COL23A1: variants seen among roughly 807,000 people sequenced by gnomAD.
COL23A1 encodes the protein collagen alpha-1(XXIII) chain.
A neutral mutation model predicts 99.3 loss-of-function variants in COL23A1; 97 were observed. The ratio of observed to expected loss-of-function variants is 0.98; its 90% CI spans 0.83 to 1.16. The LOEUF is 1.16. COL23A1 is among the 50% of genes most tolerant of loss of function. COL23A1 has a pLI of 0.00. For missense variants in COL23A1, 762 were observed against 757.4 expected (o/e 1.01, Z -0.07); for synonymous variants, 320 against 308.2 (o/e 1.04, Z -0.40).
rs538750142 is a variant in COL23A1, at chr5:178,270,478, C to T, written c.442-115G>A. ...GAAAACAAAGCCTGTGGGAGCCCCG[C>T]GTCTGGGTTCAGTCCATGTGGCCTG... On this transcript the variant is annotated intron_variant, in intron 5 of 28. Coordinates refer to ENST00000390654, the MANE Select transcript of COL23A1 (RefSeq NM_173465.4). The T allele has an allele frequency of 7.3e-4, 931 of 1,276,676 alleles. 7 individuals carry two copies. Among genetic ancestry groups the T allele is most frequent in the Admixed American group, 8.6e-4 (44 of 51,104 alleles). 79.1% of individuals were successfully genotyped at this position (1,276,676 alleles called of 1,614,324 possible). A position where few individuals can be genotyped will look rare whatever the true frequency, so the allele number is the denominator to read the frequency against.
chr5:178,256,320 C>T, intron 15 of COL23A1, 33 bp downstream of exon 15: 2 of 1,562,480 alleles, frequency 1.3e-6, no homozygotes, highest in African/African-American at 1.4e-5. Flanking sequence ...TAGATCTCAT[C>T]CCTGAGGCCT....
chr5:178,416,089 CCATT>C (rs150013493), intron 2 of COL23A1, among the ~76,000 whole-genome samples: 1 of 152,194 alleles, frequency 6.6e-6, no homozygotes, highest in East Asian at 1.9e-4. Flanking sequence ...CTAAACCCTC[CCATT>C]CATTCATTCA....
intron 2 of COL23A1, among the ~76,000 whole-genome samples, chr5:178,314,067 G>A (rs1023256413): frequency 1.3e-5 from 2 of 152,018 alleles, no homozygotes; most frequent in African/African-American, 4.8e-5. Context: ...TGTCTCTAAG[G>A]TGGGCCTGGG....
At position 178,369,346 on chromosome 5, in the gene COL23A1, G is replaced by A. The variant is rs755785796; in HGVS notation, c.362-62427C>T. Reference sequence around the variant, plus strand: ...CAGCTCCCAGGAAACTTCACACCTCGAGAGGATGTGACCTGGGTTAAGGTG... The same window carrying A: ...CAGCTCCCAGGAAACTTCACACCTCAAGAGGATGTGACCTGGGTTAAGGTG... On this transcript the variant is annotated intron_variant, in intron 2 of 28. Transcript: ENST00000390654. Among the ~76,000 whole-genome samples the A allele has an allele frequency of 8.5e-5, 13 of 152,294 alleles. No individual in the cohort carries two copies. In the South Asian group the frequency reaches 1.2e-3, roughly 15 times the overall value.
At chr5:178,523,621 G>T (rs1186881587) in intron 2 of COL23A1, 3 of 152,030 alleles carry the variant, frequency 2.0e-5, no homozygotes, top group Non-Finnish European at 4.4e-5. Context: ...CTCGAGGATG[G>T]TGCTTTCCTG....
At chr5:178,455,026 C>G (rs1183101284) in intron 2 of COL23A1, among the ~76,000 whole-genome samples, 1 of 152,252 alleles carries the variant, frequency 6.6e-6, no homozygotes, top group African/African-American at 2.4e-5. Context: ...CTGCTTCTCC[C>G]CATGCACGTG....
intron 2 of COL23A1, among the ~76,000 whole-genome samples, chr5:178,388,886 C>G (rs1438465093): frequency 6.6e-6 from 1 of 152,216 alleles, no homozygotes; most frequent in Non-Finnish European, 1.5e-5. Context: ...GCTAACATCC[C>G]TTGCAGCTCT....
intron 14 of COL23A1, 104 bp from the exon 15 acceptor site, chr5:178,256,501 G>A (rs1186474863): frequency 2.3e-5 from 26 of 1,121,584 alleles, no homozygotes; most frequent in South Asian, 1.8e-4. Flanking sequence ...CCCAGGGCCC[G>A]AGTGCTGGAA....
intron 2 of COL23A1, among the ~76,000 whole-genome samples, chr5:178,355,238 A>G (rs1184228414): frequency 6.6e-6 from 1 of 151,698 alleles, no homozygotes; most frequent in East Asian, 1.9e-4. Flanking sequence ...CTAGGATCAC[A>G]CCACTGCTCT....
intron 2 of COL23A1, among the ~76,000 whole-genome samples, chr5:178,518,658 G>C (rs1185208489): frequency 2.5e-3 from 296 of 117,296 alleles, no homozygotes; most frequent in African/African-American, 9.1e-3. Context: ...TTCCTAGATG[G>C]GATGGCGGCC....
At position 178,275,361 on chromosome 5, in the gene COL23A1, C is replaced by T. The variant is rs561151655; in HGVS notation, c.442-4998G>A. On this transcript the variant is annotated intron_variant, in intron 5 of 28. Transcript: ENST00000390654. Reference sequence around the variant, plus strand: ...AAGAGGCCGGCAGCAGGACCCTGGACGGTGCCGCCAGCTCTGCCACCTGTG... The same window carrying T: ...AAGAGGCCGGCAGCAGGACCCTGGATGGTGCCGCCAGCTCTGCCACCTGTG... 7.2e-5 allele frequency among the ~76,000 whole-genome samples: 11 copies of T among 152,322 alleles called. No individual in the cohort carries two copies. The South Asian group carries it at 1.4e-3, about 20-fold the overall frequency.
chr5:178,284,982 T>C (rs1757079084), intron 5 of COL23A1, among the ~76,000 whole-genome samples: 4 of 152,198 alleles, frequency 2.6e-5, no homozygotes, highest in Non-Finnish European at 5.9e-5. Context: ...TTTTTCTCCA[T>C]TGTCCAAATG....
chr5:178,554,443 T>G (rs1762164221), intron 2 of COL23A1, among the ~76,000 whole-genome samples: 1 of 152,160 alleles, frequency 6.6e-6, no homozygotes, highest in Non-Finnish European at 1.5e-5. Flanking sequence ...CCTCCCAAAG[T>G]GCTGGAATTA....
intron 2 of COL23A1, among the ~76,000 whole-genome samples, chr5:178,351,377 C>T (rs1307404769): frequency 2.0e-5 from 3 of 152,298 alleles, no homozygotes; most frequent in African/African-American, 4.8e-5. Context: ...TGAGCAATAA[C>T]GGGTGTGCAC....
intron 2 of COL23A1, among the ~76,000 whole-genome samples, chr5:178,537,020 G>A (rs1387053042): frequency 6.6e-6 from 1 of 152,208 alleles, no homozygotes; most frequent in Non-Finnish European, 1.5e-5. Context: ...CTGCTCTTCC[G>A]GTCCACTCCT....
chr5:178,240,967 A>C (rs1441844604), intron 27 of COL23A1, among the ~76,000 whole-genome samples: 1 of 152,198 alleles, frequency 6.6e-6, no homozygotes, highest in African/African-American at 2.4e-5. Context: ...TAGGCAGGGC[A>C]CAGTGGCTCA....
intron 2 of COL23A1, among the ~76,000 whole-genome samples, chr5:178,355,948 C>T (rs1177653214): frequency 6.6e-6 from 1 of 152,198 alleles, no homozygotes; most frequent in East Asian, 1.9e-4. Flanking sequence ...GAGCAAATAT[C>T]TTACCTATTA....
chr5:178,407,648 C>A (rs1764835050), intron 2 of COL23A1, among the ~76,000 whole-genome samples: 1 of 151,964 alleles, frequency 6.6e-6, no homozygotes, highest in Admixed American at 6.6e-5. Flanking sequence ...GAAGAGGAAC[C>A]AACTGGAAAT....
chr5:178,513,001 G>T (rs575457029), intron 2 of COL23A1, among the ~76,000 whole-genome samples: 1 of 152,168 alleles, frequency 6.6e-6, no homozygotes, highest in Non-Finnish European at 1.5e-5. Flanking sequence ...GCATTAACCC[G>T]TGCCCAGTGG....
Sources: gnomAD v4.1 joint callset for allele counts (sites outside exome capture counted in the v4.1 genomes callset) on GRCh38, gnomAD v4.1.1 for gene constraint, MANE v1.5 for transcripts, NCBI Gene and HGNC (gene_info 2026-07-23, HGNC 2026-07-21) for gene names.